ITGA1: variants seen among roughly 807,000 people sequenced by gnomAD.
ITGA1 encodes the protein integrin subunit alpha 1, also known as integrin alpha-1.
A neutral mutation model predicts 145.9 loss-of-function variants in ITGA1; 85 were observed. The ratio of observed to expected loss-of-function variants is 0.58; its 90% CI spans 0.49 to 0.70. ITGA1 has a LOEUF of 0.70. Ranked by LOEUF, ITGA1 falls within the 30% of genes least tolerant of loss-of-function variation. The pLI is 0.00. For missense variants in ITGA1, 1,351 were observed against 1,418.7 expected (o/e 0.95, Z 0.77); for synonymous variants, 520 against 495.3 (o/e 1.05, Z -0.66).
intron 6 of ITGA1, among the ~76,000 whole-genome samples, chr5:52,871,772 A>G (rs1354327982): frequency 2.0e-5 from 3 of 152,196 alleles, no homozygotes; most frequent in African/African-American, 7.2e-5. Context: ...GTGTGGCCCA[A>G]TTAAGACTTT....
intron 3 of ITGA1, among the ~76,000 whole-genome samples, chr5:52,862,981 C>T (rs1257303992): frequency 6.6e-6 from 1 of 152,116 alleles, no homozygotes; most frequent in Non-Finnish European, 1.5e-5. Context: ...TCTGGAATAT[C>T]TCAACATCAC....
intron 1 of ITGA1, among the ~76,000 whole-genome samples, chr5:52,795,301 G>C (rs1748319462): frequency 1.3e-5 from 2 of 151,804 alleles, no homozygotes; most frequent in African/African-American, 4.8e-5. Flanking sequence ...AGGCTCCCAA[G>C]GTGCTTTATA....
chr5:52,890,504 C>T lies in ITGA1; in HGVS notation c.924+2539C>T, dbSNP rs1055398235. Reference sequence around the variant, plus strand: ...TTTGGTGAGTTTTGACAATTACGTGCACCCACATAAGACTTAATCAAGATA... The same window carrying T: ...TTTGGTGAGTTTTGACAATTACGTGTACCCACATAAGACTTAATCAAGATA... On this transcript the variant is annotated intron_variant, in intron 8 of 28. Transcript: ENST00000282588. Among the ~76,000 whole-genome samples, 3 of 152,204 alleles carry T rather than the reference C, an allele frequency of 2.0e-5. No individual in the cohort carries two copies. The East Asian group carries it at 5.8e-4, about 29-fold the overall frequency.
At chr5:52,914,382 T>C (rs1302002355) in intron 14 of ITGA1, among the ~76,000 whole-genome samples, 4 of 152,166 alleles carry the variant, frequency 2.6e-5, no homozygotes, top group Non-Finnish European at 5.9e-5. Flanking sequence ...CTCATGCCTG[T>C]AATCCCAGCA....
In ITGA1 at chr5:52,947,167, G is replaced by T. The variant is rs574944453; in HGVS notation, c.3379-178G>T. On this transcript the variant is annotated intron_variant, in intron 27 of 28. Transcript: ENST00000282588. ...AATACCTTTTGGTAATAATAAATTT[G>T]ACATAGTTAGAGATTTAGACTAGAT... is the stretch of plus-strand genomic sequence containing the variant. Among the ~76,000 whole-genome samples the T allele has an allele frequency of 5.9e-5, 9 of 151,824 alleles. No individual in the cohort carries two copies. In the East Asian group the frequency reaches 1.4e-3, roughly 24 times the overall value.
intron 24 of ITGA1, among the ~76,000 whole-genome samples, chr5:52,938,147 C>A (rs1484756901): frequency 2.6e-5 from 4 of 152,108 alleles, no homozygotes; most frequent in East Asian, 1.9e-4. Context: ...TTAAATAATT[C>A]ATTGTTATGA....
intron 9 of ITGA1, among the ~76,000 whole-genome samples, chr5:52,894,065 G>A (rs1189437649): frequency 6.6e-6 from 1 of 152,010 alleles, no homozygotes; most frequent in Non-Finnish European, 1.5e-5. Flanking sequence ...GCATGGTAGG[G>A]CAGTGCTGAT....
At chr5:52,805,600 T>G (rs774638059) in intron 1 of ITGA1, among the ~76,000 whole-genome samples, 23 of 152,034 alleles carry the variant, frequency 1.5e-4, no homozygotes, top group Non-Finnish European at 2.6e-4. Context: ...AAATGTAACT[T>G]TAAAAATGGT....
intron 1 of ITGA1, among the ~76,000 whole-genome samples, chr5:52,817,442 G>T (rs995002398): frequency 1.3e-5 from 2 of 152,210 alleles, no homozygotes; most frequent in Admixed American, 6.5e-5. Flanking sequence ...TGTAGCCTAG[G>T]AGTGATCTGG....
intron 14 of ITGA1, among the ~76,000 whole-genome samples, chr5:52,913,244 A>T (rs1750595898): frequency 6.6e-6 from 1 of 152,154 alleles, no homozygotes; most frequent in Non-Finnish European, 1.5e-5. Flanking sequence ...TAAGGCAAAA[A>T]TAATTGTATG....
At chr5:52,883,307 A>G (rs150691349) in intron 7 of ITGA1, among the ~76,000 whole-genome samples, 167 of 152,364 alleles carry the variant, frequency 1.1e-3, no homozygotes, top group African/African-American at 3.8e-3. Flanking sequence ...ATGAATATTC[A>G]TCTCTGAAAA....
At position 52,925,366 on chromosome 5, in the gene ITGA1, T is replaced by C. The variant is rs780258797; in HGVS notation, c.2492T>C (p.Ile831Thr). The stretch of plus-strand genomic sequence containing the variant: ...GCCACCACTGAAAAGGACCTGCTGA[T>C]TGTCCGATCCCAGAATGATAAGTTC... Reference protein sequence around the residue: ...HVATTEKDLLIVRSQNDKFNV... With the variant: ...HVATTEKDLLTVRSQNDKFNV... The change falls in exon 19 of 29, where the codon ATT becomes ACT. Residue 831 changes from isoleucine (I) to threonine (T), a missense_variant. Physicochemically the swap from Ile to Thr is moderately conservative, Grantham distance 89. Coordinates refer to ENST00000282588, the MANE Select transcript of ITGA1 (RefSeq NM_181501.2). The C allele has an allele frequency of 6.2e-7, 1 of 1,614,042 alleles. No individual in the cohort carries two copies. The highest frequency in any genetic ancestry group is 8.5e-7 in the Non-Finnish European group (1 of 1,179,904).
intron 1 of ITGA1, among the ~76,000 whole-genome samples, chr5:52,830,616 C>G (rs961445291): frequency 3.9e-5 from 6 of 152,064 alleles, no homozygotes; most frequent in Non-Finnish European, 8.8e-5. Flanking sequence ...TCTTTTTATA[C>G]TTTTAAATTA....
intron 1 of ITGA1, chr5:52,803,771 G>A (rs1441101074): frequency 2.0e-5 from 3 of 152,108 alleles, no homozygotes. Context: ...AGAATTCAGG[G>A]ATCTTTTGTA....
At chr5:52,837,556 T>C (rs1018738018) in intron 1 of ITGA1, among the ~76,000 whole-genome samples, 1 of 152,198 alleles carries the variant, frequency 6.6e-6, no homozygotes, top group African/African-American at 2.4e-5. Flanking sequence ...CTACCCTGAA[T>C]TTTAAGATCC....
Position 52,788,342 on chromosome 5 carries a change from G to T in ITGA1, c.-12G>T. The T allele has an allele frequency of 6.7e-7, 1 of 1,502,514 alleles. No individual in the cohort carries two copies. The highest frequency in any genetic ancestry group is 1.2e-5 in the South Asian group (1 of 80,844). The allele number at this position is 1,502,514 out of a possible 1,614,324, so 93.1% of individuals were successfully genotyped here. On this transcript the variant is annotated 5_prime_UTR_variant, in exon 1 of 29. Coordinates refer to ENST00000282588, the MANE Select transcript of ITGA1 (RefSeq NM_181501.2). Reference sequence around the variant, plus strand: ...ACCAGCGCGGCCCCCTGGCGCTGAGGCTGCTCCGGCCATGGCCCCTCGGCC... The same window carrying T: ...ACCAGCGCGGCCCCCTGGCGCTGAGTCTGCTCCGGCCATGGCCCCTCGGCC...
At chr5:52,804,907 G>T (rs912093273) in intron 1 of ITGA1, among the ~76,000 whole-genome samples, 1 of 152,116 alleles carries the variant, frequency 6.6e-6, no homozygotes, top group Non-Finnish European at 1.5e-5. Context: ...CTTAGAGCCA[G>T]AACTTAGATA....
intron 11 of ITGA1, among the ~76,000 whole-genome samples, chr5:52,898,732 C>T (rs1227386280): frequency 1.3e-5 from 2 of 152,058 alleles, no homozygotes; most frequent in Non-Finnish European, 2.9e-5. Flanking sequence ...AAAAGGAAAC[C>T]TCGACTTCTC....
Position 52,864,815 on chromosome 5 carries a change from A to T in ITGA1, c.348A>T (p.Gly116=), listed in dbSNP as rs563465389. Residue 116 remains glycine, a synonymous_variant, in exon 4 of 29, where the codon GGA becomes GGT. Transcript: ENST00000282588. ...VTEVKENMTF[G]STLVTNPNGG... ...AAGTAAAGGAGAACATGACATTTGG[A>T]TCAACTTTAGTCACCAACCCAAATG... The T allele has an allele frequency of 6.2e-7, 1 of 1,612,984 alleles. No homozygotes were observed. The highest frequency in any genetic ancestry group is 2.2e-5 in the East Asian group (1 of 44,812).
Sources: allele counts gnomAD v4.1 joint callset (sites outside exome capture counted in the v4.1 genomes callset), GRCh38; gene constraint gnomAD v4.1.1; transcripts MANE v1.5; gene names NCBI Gene and HGNC (gene_info 2026-07-23, HGNC 2026-07-21).